The following PTPRG variants were observed in gnomAD, a reference collection of about 807,000 sequenced individuals.
PTPRG encodes protein tyrosine phosphatase receptor type G.
A neutral mutation model predicts 165.3 loss-of-function variants in PTPRG; 102 were observed. The observed-to-expected ratio is 0.62, with a 90% CI of 0.53 to 0.73. PTPRG has a LOEUF of 0.73. Among genes scored for constraint, PTPRG ranks in the 30% least tolerant of loss-of-function variants. The pLI is 0.00. For synonymous variants in PTPRG, 675 were observed against 669.5 expected, an observed-to-expected ratio of 1.01 and a Z score of -0.13; for missense variants, 1,866 against 1,861.4, an observed-to-expected ratio of 1.00 and a Z score of -0.05.
In PTPRG at chr3:62,190,514, A is replaced by T. The variant is rs146527579; in HGVS notation, c.1034-955A>T. ...CTTTCATAGGTTTGTCTGTAAATAG[A>T]TTTAGATCCACCGTGTCCCTTAAAC... On this transcript the variant is annotated intron_variant, in intron 8 of 29. Coordinates refer to ENST00000474889, the MANE Select transcript of PTPRG (RefSeq NM_002841.4). The surrounding 1 kb of genome is among the most constrained non-coding windows in gnomAD (Gnocchi z 5.2). 2.9e-3 allele frequency among the ~76,000 whole-genome samples: 442 copies of T among 152,236 alleles called. 2 individuals are homozygous for T. Among genetic ancestry groups the T allele is most frequent in the African/African-American group, 0.01 (433 of 41,530 alleles).
intron 4 of PTPRG, among the ~76,000 whole-genome samples, chr3:62,062,015 G>A (rs895693532): frequency 4.0e-5 from 6 of 151,878 alleles, no homozygotes; most frequent in Non-Finnish European, 2.9e-5. Context: ...ATTTAGTATG[G>A]GGGGGCGGGC....
chr3:61,773,800 A>G (rs2034285095), intron 2 of PTPRG, among the ~76,000 whole-genome samples: 1 of 151,218 alleles, frequency 6.6e-6, no homozygotes, highest in African/African-American at 2.4e-5. Flanking sequence ...TTTGAGACAG[A>G]GTCTTACTCT....
At chr3:61,584,523 A>G (rs911897648) in intron 1 of PTPRG, among the ~76,000 whole-genome samples, 2 of 151,910 alleles carry the variant, frequency 1.3e-5, no homozygotes, top group South Asian at 2.1e-4. Flanking sequence ...GTTTATAACT[A>G]TGAAGATGAG....
intron 2 of PTPRG, among the ~76,000 whole-genome samples, chr3:61,755,044 C>T (rs1041134143): frequency 4.6e-5 from 7 of 151,526 alleles, no homozygotes; most frequent in African/African-American, 1.7e-4. Flanking sequence ...CAGATCTCAG[C>T]TCACTGCAAC....
chr3:61,694,280 G>T (rs58223574), intron 1 of PTPRG, among the ~76,000 whole-genome samples: 12,777 of 152,220 alleles, frequency 0.084, 732 homozygotes, highest in East Asian at 0.19. Flanking sequence ...TTCATGAAGG[G>T]CCTTGGGTCT....
At chr3:62,040,566 G>T (rs539870713) in intron 4 of PTPRG, among the ~76,000 whole-genome samples, 53 of 152,300 alleles carry the variant, frequency 3.5e-4, no homozygotes, top group African/African-American at 1.3e-3. Flanking sequence ...CGATTCTCCT[G>T]CCTCAGCCTC....
At chr3:62,009,408 C>T (rs1004819965) in intron 4 of PTPRG, among the ~76,000 whole-genome samples, 4 of 152,160 alleles carry the variant, frequency 2.6e-5, no homozygotes, top group Non-Finnish European at 4.4e-5. Context: ...GTTCTGTGAT[C>T]GATTCTCCTT....
intron 1 of PTPRG, among the ~76,000 whole-genome samples, chr3:61,631,023 T>G (rs1284447444): frequency 1.3e-5 from 2 of 151,370 alleles, no homozygotes; most frequent in Non-Finnish European, 2.9e-5. Flanking sequence ...GCGACTGCAC[T>G]CCAGCCTGGG....
chr3:61,952,090 C>G lies in PTPRG; in HGVS notation c.191-37535C>G, dbSNP rs577358202. 5.7e-5 allele frequency among the ~76,000 whole-genome samples: 8 copies of G among 140,190 alleles called. No individual in the cohort carries two copies. The East Asian group carries it at 1.7e-3, about 30-fold the overall frequency. The allele number at this position is 140,190 out of a possible 152,430, so 92.0% of individuals were successfully genotyped here. Reference sequence around the variant, plus strand: ...CTGAGATCACGCCACAGCACTGCAGCCTGGCGACAGATCGACACTCCACCT... The same window carrying G: ...CTGAGATCACGCCACAGCACTGCAGGCTGGCGACAGATCGACACTCCACCT... On this transcript the variant is annotated intron_variant, in intron 2 of 29. Coordinates refer to ENST00000474889, the MANE Select transcript of PTPRG (RefSeq NM_002841.4).
At chr3:61,596,049 A>C (rs913224967) in intron 1 of PTPRG, among the ~76,000 whole-genome samples, 2 of 152,204 alleles carry the variant, frequency 1.3e-5, no homozygotes, top group African/African-American at 4.8e-5. Context: ...CAAATTGCAC[A>C]ATCTCCATTT....
chr3:62,037,004 C>T (rs900418796), intron 4 of PTPRG, among the ~76,000 whole-genome samples: 1 of 151,870 alleles, frequency 6.6e-6, no homozygotes, highest in Non-Finnish European at 1.5e-5. Flanking sequence ...CACACACACA[C>T]ACACAGTGTT....
At chr3:61,714,965 A>C (rs2031740695) in intron 1 of PTPRG, among the ~76,000 whole-genome samples, 1 of 152,164 alleles carries the variant, frequency 6.6e-6, no homozygotes, top group Non-Finnish European at 1.5e-5. Context: ...CACAAACAGC[A>C]ATCAAATTTG....
At chr3:62,161,678 A>G (rs1704766603) in intron 7 of PTPRG, among the ~76,000 whole-genome samples, 1 of 152,212 alleles carries the variant, frequency 6.6e-6, no homozygotes, top group Admixed American at 6.5e-5. Context: ...AGCCCTTTCT[A>G]TAATCACCTT....
At chr3:61,898,045 CTTT>C (rs538735751) in intron 2 of PTPRG, among the ~76,000 whole-genome samples, 179 of 152,216 alleles carry the variant, frequency 1.2e-3, no homozygotes, top group Non-Finnish European at 1.9e-3. Context: ...CTTTACTTCT[CTTT>C]TATGCCTTAT....
chr3:61,610,985 T>C (rs759338410), intron 1 of PTPRG, among the ~76,000 whole-genome samples: 2 of 152,146 alleles, frequency 1.3e-5, no homozygotes, highest in Non-Finnish European at 2.9e-5. Context: ...TTTAAAACTA[T>C]TTTTAGTAGA....
intron 2 of PTPRG, among the ~76,000 whole-genome samples, chr3:61,869,065 GT>G (rs1261200971): frequency 4.6e-5 from 7 of 152,014 alleles, no homozygotes; most frequent in African/African-American, 1.7e-4. Context: ...GTTCCCCATG[GT>G]CTAATCTCCT....
intron 2 of PTPRG, among the ~76,000 whole-genome samples, chr3:61,819,760 A>G (rs1002796705): frequency 2.0e-5 from 3 of 152,210 alleles, no homozygotes; most frequent in Non-Finnish European, 2.9e-5. Context: ...AACAGAGGGT[A>G]CAAAATGTTT....
rs1384247055 is a variant in PTPRG at position 62,210,332 on chromosome 3, T to C, written c.2155+6382T>C. On this transcript the variant is annotated intron_variant, in intron 12 of 29. Coordinates refer to ENST00000474889, the MANE Select transcript of PTPRG (RefSeq NM_002841.4). This position sits in a 1 kb window ranked among gnomAD's most constrained non-coding sequence, Gnocchi z 4.1. ...GGGTAACGTCAGGGCTCCAGAAAAA[T>C]AAAAGGCCAGTTTTGTGGCCCTGTA... is the stretch of plus-strand genomic sequence containing the variant. Among the ~76,000 whole-genome samples the C allele has an allele frequency of 6.6e-6, 1 of 152,096 alleles. No homozygotes were observed. Among genetic ancestry groups the C allele is most frequent in the Admixed American group, 6.5e-5 (1 of 15,272 alleles).
chr3:61,914,456 A>G (rs150550930), intron 2 of PTPRG, among the ~76,000 whole-genome samples: 19 of 152,336 alleles, frequency 1.2e-4, no homozygotes, highest in African/African-American at 3.8e-4. Context: ...TCTGGTAGTC[A>G]TCATTGACTG....
Sources: gnomAD v4.1 joint callset for allele counts (sites outside exome capture counted in the v4.1 genomes callset) on GRCh38, gnomAD v4.1.1 for gene constraint, Gnocchi (gnomAD v3.1) non-coding constraint, MANE v1.5 for transcripts, NCBI Gene and HGNC (gene_info 2026-07-23, HGNC 2026-07-21) for gene names.